Variants in ST3GAL1 observed in about 807,000 individuals in gnomAD.
The protein encoded by ST3GAL1 is CMP-N-acetylneuraminate-beta-galactosamide-alpha-2,3-sialyltransferase 1.
In ST3GAL1, 16 loss-of-function variants were observed where a neutral mutation model predicts 34.1. The observed-to-expected ratio is 0.47, with a 90% CI of 0.32 to 0.71. The LOEUF (loss-of-function observed/expected upper bound fraction) is 0.71, where lower values mean the gene tolerates loss of function less well. Among genes scored for constraint, ST3GAL1 ranks in the 30% least tolerant of loss-of-function variants. The pLI, the probability that ST3GAL1 is intolerant of heterozygous loss-of-function variation, is 0.04. For synonymous variants in ST3GAL1, 191 were observed against 184.7 expected (o/e 1.03, Z -0.28); for missense variants, 353 against 447.4 (o/e 0.79, Z 1.90).
intron 2 of ST3GAL1, among the ~76,000 whole-genome samples, chr8:133,510,302 CA>C (rs1817468048): frequency 6.6e-6 from 1 of 152,276 alleles, no homozygotes; most frequent in Admixed American, 6.5e-5. Flanking sequence ...AATGTGCAGG[CA>C]ACTATCAGAT....
intron 6 of ST3GAL1, among the ~76,000 whole-genome samples, 178 bp from the exon 7 acceptor site, chr8:133,465,135 G>T (rs577031877): frequency 6.6e-6 from 1 of 152,182 alleles, no homozygotes; most frequent in Non-Finnish European, 1.5e-5. Flanking sequence ...GAAGGCTTCT[G>T]CTATTTTTCT....
intron 2 of ST3GAL1, among the ~76,000 whole-genome samples, chr8:133,512,294 G>A (rs1287558121): frequency 2.0e-5 from 3 of 152,174 alleles, no homozygotes; most frequent in African/African-American, 4.8e-5. Context: ...CTTGGAGTCC[G>A]ATGTTCGAGG....
chr8:133,516,538 C>T (rs1475522938), intron 2 of ST3GAL1, among the ~76,000 whole-genome samples: 1 of 152,192 alleles, frequency 6.6e-6, no homozygotes, highest in East Asian at 1.9e-4. Flanking sequence ...CTGGCTCCCT[C>T]CTATCATTCC....
intron 1 of ST3GAL1, among the ~76,000 whole-genome samples, chr8:133,561,609 T>C (rs1272266468): frequency 2.0e-5 from 3 of 152,208 alleles, no homozygotes; most frequent in Non-Finnish European, 2.9e-5. Context: ...CAGCTGACTC[T>C]AGGATCTAAT....
In ST3GAL1 at chr8:133,556,656, A is replaced by G. The variant is rs937458049; in HGVS notation, c.-581-10730T>C. Among the ~76,000 whole-genome samples, 2 of 152,202 alleles carry G rather than the reference A, an allele frequency of 1.3e-5. No homozygotes were observed. The highest frequency in any genetic ancestry group is 6.5e-5 in the Admixed American group (1 of 15,282). ...AAGGGAGGGAGAAAAAGAAGGAACGAAAATGGGAAGGAAGAGAAGGGAGAA... is the reference window on the plus strand; with the variant it reads ...AAGGGAGGGAGAAAAAGAAGGAACGGAAATGGGAAGGAAGAGAAGGGAGAA... On this transcript the variant is annotated intron_variant, in intron 1 of 9. Coordinates refer to ENST00000522652, the MANE Select transcript of ST3GAL1 (RefSeq NM_173344.3). This position sits in a 1 kb window ranked among gnomAD's most constrained non-coding sequence, Gnocchi z 8.9.
chr8:133,561,890 C>T (rs533045586), intron 1 of ST3GAL1, among the ~76,000 whole-genome samples: 13 of 152,086 alleles, frequency 8.5e-5, no homozygotes, highest in Non-Finnish European at 1.8e-4. Context: ...AAACTAAGGA[C>T]GACTGTGATA....
chr8:133,558,048 T>A (rs888822450), intron 1 of ST3GAL1, among the ~76,000 whole-genome samples: 1 of 152,146 alleles, frequency 6.6e-6, no homozygotes, highest in African/African-American at 2.4e-5. Flanking sequence ...TAAATTCAGA[T>A]AGCTCCTAAG....
At chr8:133,526,622 C>T (rs1360085977) in intron 2 of ST3GAL1, among the ~76,000 whole-genome samples, 1 of 152,080 alleles carries the variant, frequency 6.6e-6, no homozygotes, top group African/African-American at 2.4e-5. Context: ...ACAGAGAAAC[C>T]ACTGCAAAAC....
intron 2 of ST3GAL1, among the ~76,000 whole-genome samples, chr8:133,541,194 T>G: frequency 7.3e-6 from 1 of 136,140 alleles, no homozygotes; most frequent in Admixed American, 7.4e-5. Context: ...GCTAGGATCT[T>G]TGTCTGATTA....
At chr8:133,562,605 T>C (rs1819260608) in intron 1 of ST3GAL1, among the ~76,000 whole-genome samples, 1 of 152,158 alleles carries the variant, frequency 6.6e-6, no homozygotes. Flanking sequence ...TGTCTGTGAA[T>C]GTCGCTGGGT....
chr8:133,466,125 T>G lies in ST3GAL1; in HGVS notation c.307-35A>C. 6.3e-7 allele frequency: 1 copy of G among 1,580,606 alleles called. No homozygotes were observed. Among genetic ancestry groups the G allele is most frequent in the South Asian group, 1.1e-5 (1 of 87,430 alleles). Reference sequence around the variant, plus strand: ...GAGGACAGAAGGTGGTCAACCTGGCTTTGTGGCTCCAGCCTCCTGGCAGCA... The same window carrying G: ...GAGGACAGAAGGTGGTCAACCTGGCGTTGTGGCTCCAGCCTCCTGGCAGCA... On this transcript the variant is annotated intron_variant, in intron 5 of 9. Transcript: ENST00000522652. The surrounding 1 kb of genome is among the most constrained non-coding windows in gnomAD (Gnocchi z 4.4).
rs1292957047 is a variant in ST3GAL1 at position 133,465,982 on chromosome 8, A to G, written c.415T>C (p.Cys139Arg). The change falls in exon 6 of 10, where the codon TGC becomes CGC. Residue 139 changes from cysteine (C) to arginine (R), a missense_variant. Transcript: ENST00000522652. The stretch of plus-strand genomic sequence containing the variant: ...TTGCCCACAACGGCGCAGCGCCGGC[A>G]GCCCACCGACCTCTTCTCCAGCATA... ...DPMLEKRSVG[C>R]RRCAVVGNSG... 6.2e-7 allele frequency: 1 copy of G among 1,614,064 alleles called. No homozygotes were observed. Among genetic ancestry groups the G allele is most frequent in the Non-Finnish European group, 8.5e-7 (1 of 1,180,028 alleles).
chr8:133,507,309 C>T lies in ST3GAL1; in HGVS notation c.-428-8120G>A, dbSNP rs147836643. On this transcript the variant is annotated intron_variant, in intron 2 of 9. Transcript: ENST00000522652. The stretch of plus-strand genomic sequence containing the variant: ...TTTGCTCTCTGAAGTCCTGCAGTGC[C>T]TTCTGGGTCTGCCTGGAGAAAGAGA... Among the ~76,000 whole-genome samples the T allele has an allele frequency of 5.3e-5, 8 of 152,350 alleles. No individual in the cohort carries two copies. The East Asian group carries it at 1.5e-3, about 29-fold the overall frequency.
chr8:133,507,658 G>A (rs944983142), intron 2 of ST3GAL1, among the ~76,000 whole-genome samples: 2 of 152,174 alleles, frequency 1.3e-5, no homozygotes, highest in African/African-American at 2.4e-5. Context: ...TCTTCTCCAG[G>A]CCAGCCCAAA....
chr8:133,491,778 G>A (rs555978653), intron 3 of ST3GAL1, among the ~76,000 whole-genome samples: 2 of 152,274 alleles, frequency 1.3e-5, no homozygotes, highest in South Asian at 2.1e-4. Context: ...CATTTCGCAT[G>A]AACCATCCCA....
At chr8:133,550,495 T>C (rs1818806628) in intron 1 of ST3GAL1, among the ~76,000 whole-genome samples, 1 of 152,216 alleles carries the variant, frequency 6.6e-6, no homozygotes, top group African/African-American at 2.4e-5. Context: ...GCTGTGCAGC[T>C]GGACAGTGGG....
intron 2 of ST3GAL1, among the ~76,000 whole-genome samples, chr8:133,541,072 TATATATAGACATATATATATAAAC>T (rs1818501776): frequency 4.5e-5 from 4 of 88,662 alleles, no homozygotes; most frequent in Admixed American, 1.2e-4. Context: ...TATATAGACA[TATATATAGACATATATATATAAAC>T]ATATATATAT....
chr8:133,475,724 A>G lies in ST3GAL1; in HGVS notation c.301T>C (p.Trp101Arg). 6.3e-7 allele frequency: 1 copy of G among 1,591,954 alleles called. No homozygotes were observed. The highest frequency in any genetic ancestry group is 8.6e-7 in the Non-Finnish European group (1 of 1,167,036). The part of the protein sequence containing the change: ...ALLEDDTYRW[W>R]LRLQREKKPN... ...GCTCTCAGGCAGCATCTCACCAGCC[A>G]CCATCGGTAGGTGTCGTCCTCCAAG... is the stretch of plus-strand genomic sequence containing the variant. The change falls in exon 5 of 10, where the codon TGG (tryptophan) becomes CGG (arginine). Residue 101 changes from tryptophan (W) to arginine (R), a missense_variant. By Grantham distance (101) the Trp-to-Arg change is moderately radical. Transcript: ENST00000522652.
intron 2 of ST3GAL1, among the ~76,000 whole-genome samples, chr8:133,511,148 C>T (rs1252368562): frequency 2.0e-5 from 3 of 152,134 alleles, no homozygotes; most frequent in African/African-American, 7.2e-5. Flanking sequence ...AAATACTCAT[C>T]TTAGGGGTTT....
Sources: gnomAD v4.1 joint callset for allele counts (sites outside exome capture counted in the v4.1 genomes callset) on GRCh38, gnomAD v4.1.1 for gene constraint, Gnocchi (gnomAD v3.1) non-coding constraint, MANE v1.5 for transcripts, NCBI Gene and HGNC (gene_info 2026-07-23, HGNC 2026-07-21) for gene names.